Variants in RPS6KC1 observed in about 807,000 individuals in gnomAD.
RPS6KC1 encodes ribosomal protein S6 kinase C1, also known as inactive ribosomal protein S6 kinase delta-1.
Under a neutral mutation model 103.8 loss-of-function variants are expected in RPS6KC1, and 54 were observed. That is an observed-to-expected ratio of 0.52 (90% CI 0.42 to 0.65). The LOEUF is 0.65. Ranked by LOEUF, RPS6KC1 falls within the 30% of genes least tolerant of loss-of-function variation. The pLI, the probability that RPS6KC1 is intolerant of heterozygous loss-of-function variation, is 0.00. For synonymous variants in RPS6KC1, 439 were observed against 438.7 expected (o/e 1.00, Z -0.01); for missense variants, 1,151 against 1,253.8 (o/e 0.92, Z 1.24).
At chr1:213,669,602 A>T in the RPS6KC1 span, among the ~76,000 whole-genome samples, 2 of 152,176 alleles carry the variant, frequency 1.3e-5, no homozygotes, top group African/African-American at 2.4e-5. Flanking sequence ...GCACCGATAG[A>T]CTTGTTTGGT....
At chr1:213,560,682 A>G in the RPS6KC1 span, among the ~76,000 whole-genome samples, 1 of 152,184 alleles carries the variant, frequency 6.6e-6, no homozygotes, top group African/African-American at 2.4e-5. Context: ...ATAAATGAGT[A>G]TTATTTTAAG....
chr1:213,374,304 G>A, the RPS6KC1 span, among the ~76,000 whole-genome samples: 2 of 152,150 alleles, frequency 1.3e-5, no homozygotes, highest in Non-Finnish European at 2.9e-5. Context: ...AATTGAAGAC[G>A]TCCTCCACTA....
the RPS6KC1 span, among the ~76,000 whole-genome samples, chr1:213,572,627 A>T: frequency 1.1e-3 from 168 of 152,338 alleles, no homozygotes; most frequent in Middle Eastern, 6.8e-3. Context: ...TAGTTTTTTT[A>T]AAATCAGGAA....
chr1:213,325,898 TG>T, the RPS6KC1 span, among the ~76,000 whole-genome samples: 271 of 152,314 alleles, frequency 1.8e-3, 3 homozygotes, highest in Admixed American at 0.016. Flanking sequence ...CTGCTGCCCA[TG>T]TTCCCCTGGA....
chr1:213,060,513 G>GT (rs956881300), intron 1 of RPS6KC1, among the ~76,000 whole-genome samples: 24 of 152,012 alleles, frequency 1.6e-4, no homozygotes, highest in African/African-American at 5.8e-4. Context: ...CTGTTCCTTT[G>GT]TTTTTAACTT....
At chr1:213,709,413 T>C in the RPS6KC1 span, among the ~76,000 whole-genome samples, 1 of 152,220 alleles carries the variant, frequency 6.6e-6, no homozygotes, top group African/African-American at 2.4e-5. Flanking sequence ...TATCATTTTA[T>C]ATTGTGTCTA....
intron 4 of RPS6KC1, among the ~76,000 whole-genome samples, chr1:213,105,179 G>A (rs532416924): frequency 1.6e-4 from 24 of 145,638 alleles, no homozygotes; most frequent in African/African-American, 5.6e-4. Context: ...GGATATTAGT[G>A]TTTTAAGTTC....
At chr1:213,370,623 G>C in the RPS6KC1 span, among the ~76,000 whole-genome samples, 1 of 152,202 alleles carries the variant, frequency 6.6e-6, no homozygotes, top group Non-Finnish European at 1.5e-5. Context: ...CCAGAGCCCT[G>C]AGAGGGCCGA....
chr1:213,645,108 CT>C, the RPS6KC1 span, among the ~76,000 whole-genome samples: 3 of 152,086 alleles, frequency 2.0e-5, no homozygotes, highest in Admixed American at 2.0e-4. Context: ...TAGCAACTGC[CT>C]TTTTTGGCTT....
intron 12 of RPS6KC1, among the ~76,000 whole-genome samples, chr1:213,260,056 G>A (rs1233677321): frequency 6.6e-6 from 1 of 152,114 alleles, no homozygotes; most frequent in African/African-American, 2.4e-5. Flanking sequence ...AAATGGTTAT[G>A]TAGTAGTAAT....
the RPS6KC1 span, among the ~76,000 whole-genome samples, chr1:213,833,682 G>A: frequency 1.3e-5 from 2 of 152,106 alleles, no homozygotes; most frequent in Non-Finnish European, 1.5e-5. Flanking sequence ...GGGTCTGAAG[G>A]GAGATAGGCC....
chr1:213,739,098 A>T, the RPS6KC1 span, among the ~76,000 whole-genome samples: 1 of 152,084 alleles, frequency 6.6e-6, no homozygotes, highest in Non-Finnish European at 1.5e-5. Flanking sequence ...ATTTTCTCCC[A>T]CCTCTGCCTC....
At chr1:213,476,802 T>C in the RPS6KC1 span, among the ~76,000 whole-genome samples, 5 of 152,162 alleles carry the variant, frequency 3.3e-5, no homozygotes, top group Admixed American at 2.0e-4. Context: ...CTCCACCAAG[T>C]CCAACTAATT....
downstream of RPS6KC1, among the ~76,000 whole-genome samples, chr1:213,278,576 C>T (rs1016855955): frequency 3.3e-5 from 5 of 152,176 alleles, no homozygotes; most frequent in African/African-American, 1.2e-4. Context: ...ACTCTTCCCC[C>T]GACCGTATGC....
chr1:213,370,185 C>T, the RPS6KC1 span, among the ~76,000 whole-genome samples: 1 of 152,030 alleles, frequency 6.6e-6, no homozygotes, highest in Admixed American at 6.6e-5. Flanking sequence ...GGTGGTGGGA[C>T]CCCAGGCTCT....
intron 6 of RPS6KC1, among the ~76,000 whole-genome samples, chr1:213,151,699 C>T (rs1474493851): frequency 1.0e-4 from 11 of 108,190 alleles, no homozygotes; most frequent in East Asian, 2.8e-4. Context: ...CCTCACCTCC[C>T]GGACGGGGCG....
chr1:213,296,548 G>A, the RPS6KC1 span, among the ~76,000 whole-genome samples: 8 of 152,206 alleles, frequency 5.3e-5, no homozygotes, highest in Non-Finnish European at 1.0e-4. Context: ...ATCAAAAACT[G>A]TAGAAGATAA....
intron 1 of RPS6KC1, among the ~76,000 whole-genome samples, chr1:213,062,648 C>T (rs995761100): frequency 6.6e-6 from 1 of 151,926 alleles, no homozygotes; most frequent in Non-Finnish European, 1.5e-5. Flanking sequence ...CCTCTGCCTC[C>T]CGGGTTCAAG....
chr1:213,766,642 C>T, the RPS6KC1 span, among the ~76,000 whole-genome samples: 2 of 152,184 alleles, frequency 1.3e-5, no homozygotes, highest in Admixed American at 1.3e-4. Flanking sequence ...GTCTCTTTTG[C>T]AGCAGTTAAT....
Sources: gnomAD v4.1 joint callset for allele counts (sites outside exome capture counted in the v4.1 genomes callset) on GRCh38, gnomAD v4.1.1 for gene constraint, MANE v1.5 for transcripts, NCBI Gene and HGNC (gene_info 2026-07-23, HGNC 2026-07-21) for gene names.